The following MYOM1 variants were observed in gnomAD, a reference collection of about 807,000 sequenced individuals.
MYOM1 encodes the protein myomesin-1.
In MYOM1, 164 loss-of-function variants were observed where a neutral mutation model predicts 205.3. The ratio of observed to expected loss-of-function variants is 0.80; its 90% CI spans 0.70 to 0.91. The LOEUF (loss-of-function observed/expected upper bound fraction) is 0.91, where lower values mean the gene tolerates loss of function less well. Among genes scored for constraint, MYOM1 ranks in the 40% least tolerant of loss-of-function variants. The pLI is 0.00. For missense variants in MYOM1, 2,011 were observed against 2,127.3 expected, an observed-to-expected ratio of 0.95 and a Z score of 1.08; for synonymous variants, 772 against 789.4, an observed-to-expected ratio of 0.98 and a Z score of 0.37.
the MYOM1 span, among the ~76,000 whole-genome samples, chr18:3,225,329 C>T: frequency 2.0e-5 from 3 of 152,208 alleles, no homozygotes; most frequent in Non-Finnish European, 2.9e-5. Context: ...ATACTTCTCT[C>T]TCTTCTCAAT....
chr18:3,086,252 A>C, intron 29 of MYOM1, 101 bp from the exon 30 acceptor site: 1 of 574,388 alleles, frequency 1.7e-6, no homozygotes, highest in Non-Finnish European at 2.9e-6. Context: ...AAAAGCACTG[A>C]ACGTGGAGTG....
intron 17 of MYOM1, among the ~76,000 whole-genome samples, chr18:3,130,499 T>G (rs900835279): frequency 2.0e-5 from 3 of 152,194 alleles, no homozygotes; most frequent in Non-Finnish European, 4.4e-5. Context: ...TTGTCCAGGG[T>G]GGAGTGCAGT....
At chr18:3,106,179 C>T (rs559545331) in intron 22 of MYOM1, among the ~76,000 whole-genome samples, 1 of 152,230 alleles carries the variant, frequency 6.6e-6, no homozygotes, top group East Asian at 1.9e-4. Context: ...ATATGCTATG[C>T]CATTTTATGA....
At chr18:3,166,208 A>G (rs1012381773) in intron 9 of MYOM1, among the ~76,000 whole-genome samples, 1 of 152,114 alleles carries the variant, frequency 6.6e-6, no homozygotes, top group African/African-American at 2.4e-5. Flanking sequence ...ACAGGCCCAA[A>G]AAGTCAGCTC....
the MYOM1 span, among the ~76,000 whole-genome samples, chr18:3,237,460 G>A: frequency 1.3e-3 from 204 of 151,886 alleles, no homozygotes; most frequent in Non-Finnish European, 2.2e-3. Context: ...TTAGCCGGGC[G>A]TGGTGGCGGG....
rs144550875 is a variant in MYOM1 at position 3,188,666 on chromosome 18, T to TACACAC, written c.771+76_771+81dup. On this transcript the variant is annotated intron_variant, in intron 4 of 37. Coordinates refer to ENST00000356443, the MANE Select transcript of MYOM1 (RefSeq NM_003803.4). Reference sequence around the variant, plus strand: ...AAAAAGAAACAAATCAATCTATATCTACACACACACACACACACACACACA... The same window carrying TACACAC: ...AAAAAGAAACAAATCAATCTATATCTACACACACACACACACACACACACACACACA... 3.2e-4 allele frequency: 352 copies of TACACAC among 1,114,172 alleles called. 2 individuals are homozygous for TACACAC. The African/African-American group carries it at 5.0e-3, about 16-fold the overall frequency. The allele number at this position is 1,114,172 out of a possible 1,614,324, so 69.0% of individuals were successfully genotyped here. A position where few individuals can be genotyped will look rare whatever the true frequency, so the allele number is the denominator to read the frequency against.
At chr18:3,156,650 G>T (rs1567939736) in intron 10 of MYOM1, among the ~76,000 whole-genome samples, 2 of 150,678 alleles carry the variant, frequency 1.3e-5, no homozygotes, top group Non-Finnish European at 2.9e-5. Flanking sequence ...CTGTCACCCA[G>T]GCTGGAGGGC....
intron 2 of MYOM1, among the ~76,000 whole-genome samples, chr18:3,213,026 G>A (rs1420570575): frequency 6.6e-6 from 1 of 152,114 alleles, no homozygotes; most frequent in Non-Finnish European, 1.5e-5. Flanking sequence ...TACACTCCAG[G>A]TAAACCCCAG....
intron 2 of MYOM1, among the ~76,000 whole-genome samples, chr18:3,203,654 C>T (rs1424064896): frequency 1.3e-5 from 2 of 151,020 alleles, no homozygotes; most frequent in South Asian, 2.1e-4. Flanking sequence ...TTTCCTACAA[C>T]GAAAAGTCCA....
At chr18:3,215,436 T>G (rs1032701278) in intron 1 of MYOM1, among the ~76,000 whole-genome samples, 185 bp from the exon 2 acceptor site, 3 of 151,902 alleles carry the variant, frequency 2.0e-5, no homozygotes, top group Non-Finnish European at 4.4e-5. Context: ...TGAGACCCTA[T>G]CTCTACAAAA....
chr18:3,160,209 A>C (rs1361832189), intron 10 of MYOM1, among the ~76,000 whole-genome samples: 1 of 142,612 alleles, frequency 7.0e-6, no homozygotes, highest in South Asian at 2.2e-4. Flanking sequence ...TTTTTTTGAG[A>C]CAGGGTCTCG....
At chr18:3,190,458 G>T (rs2080888333) in intron 3 of MYOM1, 1 of 152,132 alleles carries the variant, frequency 6.6e-6, no homozygotes, top group Non-Finnish European at 1.5e-5. Context: ...GTTTCTCATG[G>T]ACTATTCCTA....
rs144191882 is a variant in MYOM1 at position 3,150,217 on chromosome 18, G to A, written c.1844-1016C>T. ...TGGGATTACAGGCGCCCGCCACCAC[G>A]CCTGGCTAATTTTTTGTAATTTTTA... is the stretch of plus-strand genomic sequence containing the variant. On this transcript the variant is annotated intron_variant, in intron 12 of 37. Transcript: ENST00000356443. 6.4e-3 allele frequency among the ~76,000 whole-genome samples: 971 copies of A among 152,140 alleles called. 14 individuals are homozygous for A. The highest frequency in any genetic ancestry group is 0.024 in the Middle Eastern group (7 of 294).
At chr18:3,245,654 C>G in the MYOM1 span, among the ~76,000 whole-genome samples, 2 of 152,202 alleles carry the variant, frequency 1.3e-5, no homozygotes, top group Non-Finnish European at 2.9e-5. Flanking sequence ...ACAGACTACA[C>G]AATTCCTGTT....
intron 25 of MYOM1, among the ~76,000 whole-genome samples, chr18:3,096,801 C>T (rs867007342): frequency 6.6e-6 from 1 of 152,044 alleles, no homozygotes; most frequent in African/African-American, 2.4e-5. Flanking sequence ...GTACCCTCCA[C>T]CCACCCCCTC....
chr18:3,126,044 G>A (rs747609999), intron 19 of MYOM1, among the ~76,000 whole-genome samples: 3 of 151,488 alleles, frequency 2.0e-5, no homozygotes, highest in African/African-American at 4.9e-5. Context: ...TGAGGTGAGC[G>A]GATCACTTGA....
chr18:3,175,518 G>A (rs2080624966), intron 6 of MYOM1, among the ~76,000 whole-genome samples: 1 of 152,192 alleles, frequency 6.6e-6, no homozygotes, highest in Non-Finnish European at 1.5e-5. Flanking sequence ...TGTCTAGCCT[G>A]CTTCACATAC....
At chr18:3,154,866 T>C in intron 11 of MYOM1, 81 bp downstream of exon 11, 1 of 1,459,496 alleles carries the variant, frequency 6.9e-7, no homozygotes, top group Non-Finnish European at 9.3e-7. Flanking sequence ...AAGAAAATAT[T>C]TCCACTAGAA....
intron 2 of MYOM1, among the ~76,000 whole-genome samples, chr18:3,204,630 A>G (rs1303677913): frequency 6.6e-6 from 1 of 152,030 alleles, no homozygotes; most frequent in Non-Finnish European, 1.5e-5. Flanking sequence ...AACATTATTA[A>G]AATGATACTT....
Sources: allele counts gnomAD v4.1 joint callset (sites outside exome capture counted in the v4.1 genomes callset), GRCh38; gene constraint gnomAD v4.1.1; transcripts MANE v1.5; gene names NCBI Gene and HGNC (gene_info 2026-07-23, HGNC 2026-07-21).